The following PLCXD3 variants were observed in gnomAD, a reference collection of about 807,000 sequenced individuals.
PLCXD3 encodes phosphatidylinositol specific phospholipase C X domain containing 3, also known as PI-PLC X domain-containing protein 3.
Under a neutral mutation model 25.5 loss-of-function variants are expected in PLCXD3, and 19 were observed. That is an observed-to-expected ratio of 0.75 (90% CI 0.52 to 1.09). The LOEUF is 1.09. Ranked by LOEUF, PLCXD3 falls within the 50% of genes least tolerant of loss-of-function variation. The pLI, the probability that PLCXD3 is intolerant of heterozygous loss-of-function variation, is 0.00. For synonymous variants in PLCXD3, 174 were observed against 137.6 expected (o/e 1.26, Z -1.85); for missense variants, 411 against 388.1 (o/e 1.06, Z -0.50).
intron 2 of PLCXD3, among the ~76,000 whole-genome samples, chr5:41,377,914 A>G (rs954338735): frequency 2.6e-5 from 4 of 152,132 alleles, no homozygotes; most frequent in Non-Finnish European, 5.9e-5. Context: ...CAAACTGTGC[A>G]GATGAAAATA....
chr5:41,425,660 C>A (rs957364479), intron 1 of PLCXD3, among the ~76,000 whole-genome samples: 2 of 152,142 alleles, frequency 1.3e-5, no homozygotes, highest in African/African-American at 4.8e-5. Context: ...TAACCCCTGG[C>A]CAACACTGAT....
At chr5:41,452,047 A>C (rs1747645020) in intron 1 of PLCXD3, among the ~76,000 whole-genome samples, 2 of 152,034 alleles carry the variant, frequency 1.3e-5, no homozygotes, top group African/African-American at 4.8e-5. Context: ...AAATAAAATC[A>C]AGGACCCCAA....
At chr5:41,430,039 A>C (rs925193330) in intron 1 of PLCXD3, among the ~76,000 whole-genome samples, 3 of 152,182 alleles carry the variant, frequency 2.0e-5, no homozygotes, top group African/African-American at 7.2e-5. Context: ...GATCTAAAAC[A>C]AAAGGGCAAA....
At chr5:41,425,332 C>G (rs1746930631) in intron 1 of PLCXD3, among the ~76,000 whole-genome samples, 1 of 151,350 alleles carries the variant, frequency 6.6e-6, no homozygotes, top group South Asian at 2.1e-4. Flanking sequence ...ACTTTCAGAA[C>G]AGTTTTAAGT....
chr5:41,398,151 A>G (rs1462467190), intron 1 of PLCXD3, among the ~76,000 whole-genome samples: 4 of 152,202 alleles, frequency 2.6e-5, no homozygotes, highest in Non-Finnish European at 5.9e-5. Context: ...CAGAAGCAGT[A>G]TAATATGGTT....
chr5:41,400,288 A>T (rs1746139487), intron 1 of PLCXD3, among the ~76,000 whole-genome samples: 1 of 152,118 alleles, frequency 6.6e-6, no homozygotes. Context: ...GAGGTTCCTC[A>T]AAAACCTAGA....
intron 1 of PLCXD3, among the ~76,000 whole-genome samples, chr5:41,411,181 A>T (rs1746509374): frequency 6.6e-6 from 1 of 152,254 alleles, no homozygotes; most frequent in Admixed American, 6.5e-5. Flanking sequence ...TTGAGAACCA[A>T]GAAGGCCTCT....
chr5:41,361,357 C>T (rs996644448), intron 2 of PLCXD3, among the ~76,000 whole-genome samples: 1 of 152,150 alleles, frequency 6.6e-6, no homozygotes, highest in Non-Finnish European at 1.5e-5. Context: ...GCAGGCAGAC[C>T]CGCAGTTTTT....
intron 1 of PLCXD3, among the ~76,000 whole-genome samples, chr5:41,456,953 C>A (rs944845142): frequency 6.6e-6 from 1 of 151,874 alleles, no homozygotes; most frequent in African/African-American, 2.4e-5. Context: ...TAAGAAAGAT[C>A]ATTTCCCTAC....
rs568463024 is a variant in PLCXD3, at chr5:41,437,301, C to T, written c.104-54767G>A. Among the ~76,000 whole-genome samples, 8 of 152,338 alleles carry T rather than the reference C, an allele frequency of 5.3e-5. No individual in the cohort carries two copies. The South Asian group carries it at 1.7e-3, about 32-fold the overall frequency. On this transcript the variant is annotated intron_variant, in intron 1 of 2. Transcript: ENST00000377801. Reference sequence around the variant, plus strand: ...TGGATTTGAGAAAAATGATGAAGCTCTGGCCACAATGATCTTTCATTCAAA... The same window carrying T: ...TGGATTTGAGAAAAATGATGAAGCTTTGGCCACAATGATCTTTCATTCAAA...
intron 1 of PLCXD3, among the ~76,000 whole-genome samples, chr5:41,489,465 T>G (rs1424370017): frequency 6.6e-6 from 1 of 152,130 alleles, no homozygotes; most frequent in African/African-American, 2.4e-5. Flanking sequence ...AATTCTGTGA[T>G]GAAAGGCATT....
At chr5:41,386,220 T>C (rs1386753225) in intron 1 of PLCXD3, among the ~76,000 whole-genome samples, 1 of 152,122 alleles carries the variant, frequency 6.6e-6, no homozygotes, top group Non-Finnish European at 1.5e-5. Context: ...TTGAAAACTG[T>C]ATCAGGTATG....
intron 2 of PLCXD3, among the ~76,000 whole-genome samples, chr5:41,379,069 G>A (rs1418658949): frequency 1.3e-5 from 2 of 152,096 alleles, no homozygotes; most frequent in African/African-American, 2.4e-5. Context: ...CTGGAAGCTG[G>A]AAGAGGTCAT....
chr5:41,373,947 G>T (rs1366716953), intron 2 of PLCXD3, among the ~76,000 whole-genome samples: 1 of 152,068 alleles, frequency 6.6e-6, no homozygotes, highest in African/African-American at 2.4e-5. Context: ...AAAGCTGAGT[G>T]CTACTTTTTG....
intron 1 of PLCXD3, among the ~76,000 whole-genome samples, chr5:41,482,556 A>C (rs1296493237): frequency 5.3e-5 from 8 of 152,164 alleles, no homozygotes; most frequent in Non-Finnish European, 1.2e-4. Context: ...AAGTAATGTG[A>C]TTTGGCCACC....
chr5:41,421,256 CAT>C, intron 1 of PLCXD3, among the ~76,000 whole-genome samples: 1 of 152,304 alleles, frequency 6.6e-6, no homozygotes, highest in South Asian at 2.1e-4. Flanking sequence ...GTCAACTATA[CAT>C]TATTCAATCC....
intron 2 of PLCXD3, among the ~76,000 whole-genome samples, chr5:41,332,764 A>G (rs1206004593): frequency 6.6e-6 from 1 of 152,206 alleles, no homozygotes; most frequent in East Asian, 1.9e-4. Context: ...CTATACAGCC[A>G]TAAAAAATGA....
intron 1 of PLCXD3, among the ~76,000 whole-genome samples, chr5:41,418,174 A>G (rs1746736110): frequency 6.6e-6 from 1 of 152,162 alleles, no homozygotes. Context: ...TGTGGCATAT[A>G]TTTTTAGAAT....
intron 2 of PLCXD3, among the ~76,000 whole-genome samples, chr5:41,332,127 A>G (rs1215856618): frequency 1.3e-5 from 2 of 152,136 alleles, no homozygotes; most frequent in Non-Finnish European, 2.9e-5. Flanking sequence ...TCTGCACAGC[A>G]AAAGAAACTA....
Sources: allele counts gnomAD v4.1 joint callset (sites outside exome capture counted in the v4.1 genomes callset), GRCh38; gene constraint gnomAD v4.1.1; transcripts MANE v1.5; gene names NCBI Gene and HGNC (gene_info 2026-07-23, HGNC 2026-07-21).